CRISPLD2: variants seen among roughly 807,000 people sequenced by gnomAD.
CRISPLD2 encodes cysteine-rich secretory protein LCCL domain-containing 2.
CRISPLD2 carries 47 observed loss-of-function variants against 71.1 expected under a neutral mutation model. The observed-to-expected ratio is 0.66, with a 90% CI of 0.52 to 0.84. The LOEUF (loss-of-function observed/expected upper bound fraction) is 0.84, where lower values mean the gene tolerates loss of function less well. Ranked by LOEUF, CRISPLD2 falls within the 40% of genes least tolerant of loss-of-function variation. The pLI is 0.00. For missense variants in CRISPLD2, 830 were observed against 651.1 expected (o/e 1.27, Z -2.99); for synonymous variants, 317 against 250.1 (o/e 1.27, Z -2.52).
chr16:84,836,156 A>T (rs1892303949), intron 1 of CRISPLD2: 1 of 152,216 alleles, frequency 6.6e-6, no homozygotes, highest in South Asian at 2.1e-4. Context: ...TATCTCAAAC[A>T]TCAACAAATT....
In CRISPLD2 at chr16:84,827,874, C is replaced by T. The variant is rs191486282; in HGVS notation, c.-75+7741C>T. Among the ~76,000 whole-genome samples, 251 of 152,274 alleles carry T rather than the reference C, an allele frequency of 1.6e-3. 1 individual carries two copies. The highest frequency in any genetic ancestry group is 2.9e-3 in the Non-Finnish European group (195 of 68,022). On this transcript the variant is annotated intron_variant, in intron 1 of 14. Transcript: ENST00000262424. ...GAGCCGCCGCACCGGGCCTACAGTGCCCTTTCTTTAAGAGCTCAGCAGGAC... is the reference window on the plus strand; with the variant it reads ...GAGCCGCCGCACCGGGCCTACAGTGTCCTTTCTTTAAGAGCTCAGCAGGAC...
At chr16:84,869,749 C>T (rs369975949) in intron 8 of CRISPLD2, among the ~76,000 whole-genome samples, 2 of 152,248 alleles carry the variant, frequency 1.3e-5, no homozygotes, top group South Asian at 2.1e-4. Context: ...CAGGGGCCTC[C>T]GCCGTGTGCA....
intron 13 of CRISPLD2, among the ~76,000 whole-genome samples, chr16:84,887,471 C>G (rs978100964): frequency 1.3e-5 from 2 of 152,230 alleles, no homozygotes; most frequent in Non-Finnish European, 2.9e-5. Flanking sequence ...TTTCATCTTT[C>G]CTTAAATTAG....
rs558969642 is a variant in CRISPLD2, at chr16:84,900,414, G to A, written c.1440-6174G>A. ...AAAGGAAACCCCGCCCAGAAATGGT[G>A]ACTAGGCTGTTAATCTTATACTCAA... On this transcript the variant is annotated intron_variant, in intron 14 of 14. Coordinates refer to ENST00000262424, the MANE Select transcript of CRISPLD2 (RefSeq NM_031476.4). Among the ~76,000 whole-genome samples, 3 of 152,208 alleles carry A rather than the reference G, an allele frequency of 2.0e-5. No individual in the cohort carries two copies. In the East Asian group the frequency reaches 5.8e-4, roughly 29 times the overall value.
chr16:84,885,966 G>T (rs891558818), intron 13 of CRISPLD2, among the ~76,000 whole-genome samples: 1 of 151,998 alleles, frequency 6.6e-6, no homozygotes, highest in Non-Finnish European at 1.5e-5. Flanking sequence ...CTACAGGCAT[G>T]TGCCACAACA....
rs753903579 is a variant in CRISPLD2, at chr16:84,889,286, G to T, written c.1362G>T (p.Gly454=). The change falls in exon 14 of 15, where the codon GGG becomes GGT. Residue 454 remains glycine, a synonymous_variant. Transcript: ENST00000262424. ...VHAGVISNES[G]GDVDVMPVDK... ...CGGGAGTCATCAGCAACGAGAGTGG[G>T]GGTGACGTGGACGTGATGCCCGTGG... 1 of 1,614,134 alleles carries T rather than the reference G, an allele frequency of 6.2e-7. No individual in the cohort carries two copies. Among genetic ancestry groups the T allele is most frequent in the Non-Finnish European group, 8.5e-7 (1 of 1,180,014 alleles).
At chr16:84,890,642 C>T (rs2143349831) in intron 14 of CRISPLD2, among the ~76,000 whole-genome samples, 1 of 151,958 alleles carries the variant, frequency 6.6e-6, no homozygotes, top group South Asian at 2.1e-4. Flanking sequence ...TGACGCAAGC[C>T]TGTAATCCCA....
At chr16:84,838,226 C>T (rs1051594713) in intron 1 of CRISPLD2, among the ~76,000 whole-genome samples, 196 bp from the exon 2 acceptor site, 4 of 152,168 alleles carry the variant, frequency 2.6e-5, no homozygotes, top group Admixed American at 2.0e-4. Context: ...CAGCTTGCCT[C>T]GCTGGAAACC....
chr16:84,827,290 G>A (rs12925986), intron 1 of CRISPLD2, among the ~76,000 whole-genome samples: 43,117 of 152,038 alleles, frequency 0.28, 7,454 homozygotes, highest in South Asian at 0.39. Flanking sequence ...TGTCTGTGCT[G>A]TTGTGTGTTG....
chr16:84,855,928 A>G (rs1228084850), intron 6 of CRISPLD2, among the ~76,000 whole-genome samples: 1 of 152,240 alleles, frequency 6.6e-6, no homozygotes, highest in African/African-American at 2.4e-5. Context: ...AGGAAATAAC[A>G]TGAAGATATT....
At chr16:84,864,286 CT>C (rs1917476448) in intron 6 of CRISPLD2, among the ~76,000 whole-genome samples, 1 of 152,214 alleles carries the variant, frequency 6.6e-6, no homozygotes, top group Admixed American at 6.5e-5. Flanking sequence ...AAGCCTTCTA[CT>C]TTTCATTTGT....
intron 1 of CRISPLD2, among the ~76,000 whole-genome samples, chr16:84,832,981 G>A (rs1052243405): frequency 3.9e-5 from 6 of 152,186 alleles, no homozygotes; most frequent in East Asian, 3.8e-4. Context: ...AGAGGGGTGC[G>A]GTTGGAGAGC....
In CRISPLD2 at chr16:84,849,516, A is replaced by G. The variant is rs1216492030; in HGVS notation, c.491A>G (p.Gln164Arg). The G allele has an allele frequency of 1.2e-6, 2 of 1,613,672 alleles. No individual in the cohort carries two copies. The highest frequency in any genetic ancestry group is 2.2e-5 in the East Asian group (1 of 44,884). ...CSGPMCTHYT[Q>R]IVWATTNKIG... ...GGGCCCATGTGCACGCACTACACACAGGTAACTCGGGGACTTGCCACGACC... is the reference window on the plus strand; with the variant it reads ...GGGCCCATGTGCACGCACTACACACGGGTAACTCGGGGACTTGCCACGACC... Residue 164 changes from glutamine to arginine, a missense_variant and splice_region_variant, in exon 4 of 15, where the codon CAG becomes CGG. Physicochemically the swap from Gln to Arg is conservative, Grantham distance 43. Coordinates refer to ENST00000262424, the MANE Select transcript of CRISPLD2 (RefSeq NM_031476.4).
Position 84,846,679 on chromosome 16 carries a change from A to C in CRISPLD2, c.359+775A>C, listed in dbSNP as rs76246564. 8.2e-3 allele frequency among the ~76,000 whole-genome samples: 1,247 copies of C among 152,268 alleles called. 7 individuals are homozygous for C. The highest frequency in any genetic ancestry group is 0.012 in the Non-Finnish European group (792 of 68,022). ...TCTGCTCACTGTTTAAGGCTGAGCC[A>C]GGTTCCACCCTGTTGGGAAGATGCC... On this transcript the variant is annotated intron_variant, in intron 3 of 14. Transcript: ENST00000262424.
chr16:84,898,542 A>G (rs1329279421), intron 14 of CRISPLD2, among the ~76,000 whole-genome samples: 1 of 152,118 alleles, frequency 6.6e-6, no homozygotes. Flanking sequence ...CTCCCTAGGC[A>G]GCGTTCTCCA....
chr16:84,832,620 T>G (rs916449583), intron 1 of CRISPLD2, among the ~76,000 whole-genome samples: 2 of 152,200 alleles, frequency 1.3e-5, no homozygotes, highest in African/African-American at 4.8e-5. Flanking sequence ...GTCTTAGCAA[T>G]GAGCAGGAAT....
intron 6 of CRISPLD2, among the ~76,000 whole-genome samples, chr16:84,863,602 T>C (rs913714758): frequency 1.8e-4 from 27 of 152,336 alleles, no homozygotes; most frequent in African/African-American, 4.8e-4. Context: ...CCTTACCCTC[T>C]CTGAGCCTTC....
At chr16:84,866,366 G>T (rs1240726804) in intron 6 of CRISPLD2, among the ~76,000 whole-genome samples, 2 of 152,000 alleles carry the variant, frequency 1.3e-5, no homozygotes, top group Non-Finnish European at 2.9e-5. Context: ...CCCCCAAGTA[G>T]CTGGGATGAC....
At chr16:84,901,002 A>T (rs1198955482) in intron 14 of CRISPLD2, among the ~76,000 whole-genome samples, 1 of 144,090 alleles carries the variant, frequency 6.9e-6, no homozygotes, top group Non-Finnish European at 1.5e-5. Context: ...GTGAATCATG[A>T]TGGTGTCACT....
Sources: allele counts gnomAD v4.1 joint callset (sites outside exome capture counted in the v4.1 genomes callset), GRCh38; gene constraint gnomAD v4.1.1; transcripts MANE v1.5; gene names NCBI Gene and HGNC (gene_info 2026-07-23, HGNC 2026-07-21).